Variants in KIAA0825 observed in about 807,000 individuals in gnomAD.
The protein encoded by KIAA0825 is uncharacterized protein KIAA0825.
A neutral mutation model predicts 147.6 loss-of-function variants in KIAA0825; 119 were observed. The ratio of observed to expected loss-of-function variants is 0.81; its 90% confidence interval spans 0.69 to 0.94. KIAA0825 has a LOEUF of 0.94. KIAA0825 is among the 40% of genes least tolerant of loss of function. The pLI, the probability that KIAA0825 is intolerant of heterozygous loss-of-function variation, is 0.00. For synonymous variants in KIAA0825, 470 were observed against 518.1 expected, an observed-to-expected ratio of 0.91 and a Z score of 1.26; for missense variants, 1,381 against 1,472.7, an observed-to-expected ratio of 0.94 and a Z score of 1.02.
At chr5:94,472,636 C>A (rs1262690170) in intron 8 of KIAA0825, among the ~76,000 whole-genome samples, 1 of 151,904 alleles carries the variant, frequency 6.6e-6, no homozygotes, top group African/African-American at 2.4e-5. Context: ...CCCAGCTACT[C>A]GGGAGGGTGA....
At chr5:94,412,548 G>A (rs971603196) in intron 15 of KIAA0825, among the ~76,000 whole-genome samples, 1 of 151,058 alleles carries the variant, frequency 6.6e-6, no homozygotes, top group South Asian at 2.1e-4. Context: ...TTACAGGCAC[G>A]CGCCACCACA....
At chr5:94,165,021 A>G (rs997191317) in intron 20 of KIAA0825, among the ~76,000 whole-genome samples, 1 of 152,182 alleles carries the variant, frequency 6.6e-6, no homozygotes, top group African/African-American at 2.4e-5. Context: ...GGATCAAAAC[A>G]AGTTAAAAAG....
intron 4 of KIAA0825, among the ~76,000 whole-genome samples, chr5:94,521,795 A>G (rs938957119): frequency 1.3e-5 from 2 of 151,742 alleles, no homozygotes; most frequent in Non-Finnish European, 3.0e-5. Flanking sequence ...TTTAGCTAAT[A>G]CTGAAATTAG....
chr5:94,314,837 G>T (rs929141677), intron 20 of KIAA0825, among the ~76,000 whole-genome samples: 1 of 151,508 alleles, frequency 6.6e-6, no homozygotes, highest in African/African-American at 2.4e-5. Flanking sequence ...GCTAAAAGGG[G>T]CTTCATCTCT....
chr5:94,471,086 A>C (rs1239510299), intron 9 of KIAA0825, among the ~76,000 whole-genome samples: 1 of 152,238 alleles, frequency 6.6e-6, no homozygotes, highest in Non-Finnish European at 1.5e-5. Context: ...TTATTTTCTA[A>C]GTCCGCTCCA....
intron 20 of KIAA0825, among the ~76,000 whole-genome samples, chr5:94,204,447 C>T (rs1562311444): frequency 6.6e-6 from 1 of 152,080 alleles, no homozygotes; most frequent in African/African-American, 2.4e-5. Context: ...TATCACCATT[C>T]GATTCTTTGT....
intron 20 of KIAA0825, among the ~76,000 whole-genome samples, chr5:94,240,002 TG>T (rs1354563534): frequency 1.3e-5 from 2 of 152,214 alleles, no homozygotes; most frequent in African/African-American, 4.8e-5. Flanking sequence ...AGATTGCCTG[TG>T]TGTTGCATAT....
intron 20 of KIAA0825, among the ~76,000 whole-genome samples, chr5:94,167,990 G>C (rs547643890): frequency 6.7e-6 from 1 of 149,516 alleles, no homozygotes; most frequent in African/African-American, 2.4e-5. Context: ...TGCTACTATG[G>C]TACACTACTT....
intron 13 of KIAA0825, among the ~76,000 whole-genome samples, chr5:94,450,904 G>T (rs1274648714): frequency 6.6e-6 from 1 of 152,108 alleles, no homozygotes; most frequent in East Asian, 1.9e-4. Context: ...GAAAGGTGGG[G>T]GTGTGGTTGT....
At chr5:94,299,230 T>A (rs114421842) in intron 20 of KIAA0825, among the ~76,000 whole-genome samples, 3,256 of 152,190 alleles carry the variant, frequency 0.021, 108 homozygotes, top group African/African-American at 0.074. Flanking sequence ...TTATTTATTT[T>A]TTTAGCGACA....
chr5:94,332,480 G>GT (rs1584145342), intron 20 of KIAA0825, among the ~76,000 whole-genome samples: 2 of 152,050 alleles, frequency 1.3e-5, no homozygotes, highest in East Asian at 3.9e-4. Flanking sequence ...GCGGTGTTTG[G>GT]TTTTCTGTTC....
chr5:94,281,036 G>A (rs572623734), intron 20 of KIAA0825, among the ~76,000 whole-genome samples: 1 of 152,112 alleles, frequency 6.6e-6, no homozygotes, highest in East Asian at 1.9e-4. Flanking sequence ...AATCATAAAT[G>A]GTAAGAATAT....
chr5:94,482,726 G>A (rs773638523), intron 6 of KIAA0825, among the ~76,000 whole-genome samples: 3 of 151,908 alleles, frequency 2.0e-5, no homozygotes, highest in Admixed American at 6.6e-5. Flanking sequence ...ACATAAAGCT[G>A]CGTCACATTA....
chr5:94,176,978 C>T (rs1394779495), intron 20 of KIAA0825, among the ~76,000 whole-genome samples: 1 of 152,030 alleles, frequency 6.6e-6, no homozygotes, highest in African/African-American at 2.4e-5. Context: ...TTTAAAAGCA[C>T]AACAGGGAAA....
chr5:94,543,401 C>T (rs1274137065), intron 2 of KIAA0825, among the ~76,000 whole-genome samples: 3 of 152,052 alleles, frequency 2.0e-5, no homozygotes, highest in Non-Finnish European at 4.4e-5. Context: ...TGAGATCATG[C>T]CACTGTACTC....
rs139300089 is a variant in KIAA0825, at chr5:94,459,470, A to G, written c.2246+2917T>C. ...CCTGAGGTAGGAAAAGCAAAGGCCT[A>G]TTTTATTTTCTGAAAGACAGTGAAA... On this transcript the variant is annotated intron_variant, in intron 12 of 20. Coordinates refer to ENST00000682413, the MANE Select transcript of KIAA0825 (RefSeq NM_001145678.3). 4.3e-3 allele frequency among the ~76,000 whole-genome samples: 661 copies of G among 152,252 alleles called. 12 individuals carry two copies. The Middle Eastern group carries it at 0.068, about 16-fold the overall frequency.
chr5:94,278,146 A>G (rs1777301618), intron 20 of KIAA0825, among the ~76,000 whole-genome samples: 1 of 152,126 alleles, frequency 6.6e-6, no homozygotes, highest in South Asian at 2.1e-4. Flanking sequence ...GAGCATTAGG[A>G]CAAATACCTA....
chr5:94,281,654 C>T (rs1777471866), intron 20 of KIAA0825, among the ~76,000 whole-genome samples: 1 of 152,118 alleles, frequency 6.6e-6, no homozygotes, highest in South Asian at 2.1e-4. Context: ...GGCAGCCTTC[C>T]TGGCCTTACC....
intron 20 of KIAA0825, among the ~76,000 whole-genome samples, chr5:94,224,508 A>C (rs1285642995): frequency 6.6e-6 from 1 of 152,112 alleles, no homozygotes; most frequent in Admixed American, 6.5e-5. Flanking sequence ...AATAGCACTA[A>C]AATCTTTCTT....
Sources: allele counts gnomAD v4.1 joint callset (sites outside exome capture counted in the v4.1 genomes callset), GRCh38; gene constraint gnomAD v4.1.1; transcripts MANE v1.5; gene names NCBI Gene and HGNC (gene_info 2026-07-23, HGNC 2026-07-21).